Variants in BANK1 observed in about 807,000 individuals in gnomAD.
BANK1 encodes B-cell scaffold protein with ankyrin repeats.
Under a neutral mutation model 94.5 loss-of-function variants are expected in BANK1, and 95 were observed. The observed-to-expected ratio is 1.00, with a 90% CI of 0.85 to 1.19. The LOEUF (loss-of-function observed/expected upper bound fraction) is 1.19. Ranked by LOEUF, BANK1 falls within the 50% of genes most tolerant of loss-of-function variation. The probability of loss-of-function intolerance (pLI) is 0.00; values close to 1 mark genes in which losing one functional copy is unlikely to be tolerated. For missense variants in BANK1, 987 were observed against 932.2 expected, an observed-to-expected ratio of 1.06 and a Z score of -0.77; for synonymous variants, 334 against 308.4, an observed-to-expected ratio of 1.08 and a Z score of -0.87.
chr4:101,860,234 A>G (rs1727816388), intron 3 of BANK1, among the ~76,000 whole-genome samples: 1 of 152,210 alleles, frequency 6.6e-6, no homozygotes, highest in African/African-American at 2.4e-5. Flanking sequence ...AGGTAATTAC[A>G]GCAGAATATT....
intron 13 of BANK1, 88 bp from the exon 14 acceptor site, chr4:102,071,183 AGAAG>A: frequency 7.1e-7 from 1 of 1,398,710 alleles, no homozygotes; most frequent in South Asian, 1.2e-5. Context: ...CTCAAAGACA[AGAAG>A]TAGTCCAACA....
At position 102,063,148 on chromosome 4, in the gene BANK1, A is replaced by T; in HGVS notation, c.2212+10A>T. The T allele has an allele frequency of 6.2e-7, 1 of 1,605,620 alleles. No homozygotes were observed. The highest frequency in any genetic ancestry group is 1.7e-4 in the Middle Eastern group (1 of 6,040). On this transcript the variant is annotated intron_variant, in intron 13 of 16. Transcript: ENST00000322953. Reference sequence around the variant, plus strand: ...GAAGAAAATGTCTATAGTAAGTAAGATTCGCCTGCTATTCAAAAATAATAG... The same window carrying T: ...GAAGAAAATGTCTATAGTAAGTAAGTTTCGCCTGCTATTCAAAAATAATAG...
At chr4:101,877,906 A>T (rs1216211901) in intron 5 of BANK1, among the ~76,000 whole-genome samples, 1 of 152,238 alleles carries the variant, frequency 6.6e-6, no homozygotes, top group East Asian at 1.9e-4. Flanking sequence ...ATAAAATAGT[A>T]CTTTCAATCC....
At chr4:101,840,413 A>G (rs1306186891) in intron 2 of BANK1, among the ~76,000 whole-genome samples, 1 of 152,234 alleles carries the variant, frequency 6.6e-6, no homozygotes, top group Non-Finnish European at 1.5e-5. Context: ...ACTTGCGCCA[A>G]AACTGGCCAT....
chr4:101,981,804 C>T (rs1560664806), intron 7 of BANK1: 2 of 152,066 alleles, frequency 1.3e-5, no homozygotes, highest in African/African-American at 2.4e-5. Context: ...AGATATCCAT[C>T]TACTGTCAAA....
At chr4:101,879,964 C>T (rs1728617667) in intron 5 of BANK1, among the ~76,000 whole-genome samples, 1 of 152,020 alleles carries the variant, frequency 6.6e-6, no homozygotes, top group Admixed American at 6.5e-5. Context: ...CCATGTATGA[C>T]AAACCTACAG....
intron 1 of BANK1, among the ~76,000 whole-genome samples, chr4:101,802,847 G>A (rs892261128): frequency 6.6e-6 from 1 of 152,180 alleles, no homozygotes; most frequent in African/African-American, 2.4e-5. Flanking sequence ...TACGAAAGTT[G>A]ACTTGTACTT....
chr4:102,064,784 G>T (rs974507952), intron 13 of BANK1, among the ~76,000 whole-genome samples: 1 of 152,192 alleles, frequency 6.6e-6, no homozygotes, highest in Non-Finnish European at 1.5e-5. Context: ...TACTCCTGAG[G>T]TGGGTCTCAT....
chr4:102,030,539 C>G (rs1727265477), intron 10 of BANK1, among the ~76,000 whole-genome samples: 1 of 151,808 alleles, frequency 6.6e-6, no homozygotes, highest in African/African-American at 2.4e-5. Context: ...ACCCATCAAC[C>G]CGTCACCTAC....
chr4:102,064,886 G>GA (rs1321383183), intron 13 of BANK1, among the ~76,000 whole-genome samples: 7 of 152,222 alleles, frequency 4.6e-5, no homozygotes, highest in Non-Finnish European at 1.0e-4. Flanking sequence ...AGAGATCTTA[G>GA]TTCAGGGCAG....
At chr4:102,003,476 C>G (rs1726143937) in intron 7 of BANK1, among the ~76,000 whole-genome samples, 1 of 152,168 alleles carries the variant, frequency 6.6e-6, no homozygotes. Flanking sequence ...ACCAGGGACT[C>G]TATTTCTCTC....
intron 7 of BANK1, among the ~76,000 whole-genome samples, chr4:101,926,258 C>T (rs921226912): frequency 1.3e-5 from 2 of 151,730 alleles, no homozygotes; most frequent in Non-Finnish European, 3.0e-5. Context: ...TATTACAGCT[C>T]TGAGCCTCAA....
intron 7 of BANK1, among the ~76,000 whole-genome samples, chr4:102,018,231 A>G (rs147951939): frequency 6.6e-6 from 1 of 152,188 alleles, no homozygotes; most frequent in African/African-American, 2.4e-5. Context: ...TCTTCAGCCT[A>G]GTACATTTAT....
At chr4:101,927,213 G>A (rs960854096) in intron 7 of BANK1, among the ~76,000 whole-genome samples, 12 of 151,674 alleles carry the variant, frequency 7.9e-5, no homozygotes. Context: ...GGCCGCGGGT[G>A]AAAGGAGAGA....
chr4:101,889,539 A>C (rs1721769759), intron 5 of BANK1, among the ~76,000 whole-genome samples: 1 of 135,190 alleles, frequency 7.4e-6, no homozygotes, highest in African/African-American at 2.8e-5. Context: ...CGGAGCTTGC[A>C]GTGAGCCGAG....
At chr4:101,918,753 C>A (rs958175875) in intron 7 of BANK1, among the ~76,000 whole-genome samples, 4 of 151,802 alleles carry the variant, frequency 2.6e-5, no homozygotes, top group Non-Finnish European at 5.9e-5. Flanking sequence ...GTATTTAAAA[C>A]AAATAATTTT....
intron 7 of BANK1, among the ~76,000 whole-genome samples, chr4:101,937,225 C>G (rs767543440): frequency 5.3e-5 from 8 of 151,510 alleles, no homozygotes; most frequent in Non-Finnish European, 8.9e-5. Flanking sequence ...TGCATATTCT[C>G]ACACATTTGT....
At chr4:101,852,061 C>T (rs946369941) in intron 2 of BANK1, among the ~76,000 whole-genome samples, 1 of 151,930 alleles carries the variant, frequency 6.6e-6, no homozygotes, top group African/African-American at 2.4e-5. Context: ...TTTTGGACTC[C>T]GTTTTCTCTG....
At chr4:101,807,733 C>T (rs931124437) in intron 1 of BANK1, among the ~76,000 whole-genome samples, 2 of 152,034 alleles carry the variant, frequency 1.3e-5, no homozygotes, top group Non-Finnish European at 2.9e-5. Flanking sequence ...CTAGGCACAA[C>T]AAGGTTCATT....
Sources: allele counts gnomAD v4.1 joint callset (sites outside exome capture counted in the v4.1 genomes callset), GRCh38; gene constraint gnomAD v4.1.1; transcripts MANE v1.5; gene names NCBI Gene and HGNC (gene_info 2026-07-23, HGNC 2026-07-21).